Variants in SVOP observed in about 807,000 individuals in gnomAD.
SVOP encodes SV2 related protein.
A neutral mutation model predicts 69.1 loss-of-function variants in SVOP; 17 were observed. That is an observed-to-expected ratio of 0.25 (90% CI 0.17 to 0.37). The LOEUF (loss-of-function observed/expected upper bound fraction) is 0.37, where lower values mean the gene tolerates loss of function less well. Among genes scored for constraint, SVOP ranks in the 10% least tolerant of loss-of-function variants. The pLI is 1.00. For synonymous variants in SVOP, 238 were observed against 238.6 expected (o/e 1.00, Z 0.02); for missense variants, 435 against 597.5 (o/e 0.73, Z 2.84).
intron 7 of SVOP, among the ~76,000 whole-genome samples, chr12:108,941,765 G>A (rs1300657320): frequency 1.3e-5 from 2 of 151,740 alleles, no homozygotes; most frequent in African/African-American, 2.4e-5. Context: ...AGGTTCAAGC[G>A]ATTCTCCTGC....
chr12:109,010,659 A>T (rs967243138), intron 1 of SVOP, among the ~76,000 whole-genome samples: 1 of 151,994 alleles, frequency 6.6e-6, no homozygotes, highest in African/African-American at 2.4e-5. Flanking sequence ...GACCACAGGC[A>T]CCACACCCAG....
chr12:108,990,202 G>A (rs1296193073), intron 1 of SVOP, among the ~76,000 whole-genome samples: 2 of 152,218 alleles, frequency 1.3e-5, no homozygotes, highest in East Asian at 3.9e-4. Context: ...TTGCCAGAGA[G>A]TGGAAAACAG....
chr12:108,927,363 T>C (rs544781652), intron 11 of SVOP, among the ~76,000 whole-genome samples: 3 of 152,362 alleles, frequency 2.0e-5, no homozygotes, highest in South Asian at 2.1e-4. Context: ...AATGAGTTAA[T>C]TGAAGTCTGT....
At chr12:108,979,827 C>T (rs2040126805) in intron 2 of SVOP, among the ~76,000 whole-genome samples, 1 of 133,358 alleles carries the variant, frequency 7.5e-6, no homozygotes, top group Non-Finnish European at 1.6e-5. Flanking sequence ...TATTTTTATG[C>T]TCAGAAAAAA....
intron 1 of SVOP, among the ~76,000 whole-genome samples, chr12:108,987,420 T>C (rs756448432): frequency 7.9e-5 from 12 of 152,236 alleles, no homozygotes; most frequent in Non-Finnish European, 1.6e-4. Context: ...TACAAATATC[T>C]ATTTGAGTTC....
At chr12:108,934,349 C>G in intron 10 of SVOP, 78 bp from the exon 11 acceptor site, 1 of 1,214,160 alleles carries the variant, frequency 8.2e-7, no homozygotes, top group Non-Finnish European at 1.2e-6. Context: ...TTGGGAAGGG[C>G]CAATGTCTAC....
chr12:108,950,905 T>C (rs991049796), intron 6 of SVOP, among the ~76,000 whole-genome samples: 11 of 152,216 alleles, frequency 7.2e-5, no homozygotes, highest in African/African-American at 1.2e-4. Context: ...ATCCAAAGTA[T>C]GGCAATTATT....
At position 109,020,954 on chromosome 12, in the gene SVOP, A is replaced by G; in HGVS notation, c.-86T>C. On this transcript the variant is annotated 5_prime_UTR_variant, in exon 1 of 16. Coordinates refer to ENST00000610966, the MANE Select transcript of SVOP (RefSeq NM_018711.5). Reference sequence around the variant, plus strand: ...AGCCCTCCGGTTTTCAGCACCGGGAAGCTGGACAGCACCCGCGCCGCTTCC... The same window carrying G: ...AGCCCTCCGGTTTTCAGCACCGGGAGGCTGGACAGCACCCGCGCCGCTTCC... 2.9e-6 allele frequency: 2 copies of G among 685,252 alleles called. No individual in the cohort carries two copies. The highest frequency in any genetic ancestry group is 3.1e-5 in the South Asian group (2 of 64,420). 42.4% of individuals were successfully genotyped at this position (685,252 alleles called of 1,614,324 possible).
chr12:108,924,901 T>C (rs1422353816), intron 11 of SVOP, among the ~76,000 whole-genome samples: 1 of 152,162 alleles, frequency 6.6e-6, no homozygotes, highest in African/African-American at 2.4e-5. Context: ...AGGACTCAAC[T>C]CTGACCACTG....
chr12:108,985,268 A>G (rs941389998), intron 1 of SVOP, among the ~76,000 whole-genome samples: 17 of 151,190 alleles, frequency 1.1e-4, no homozygotes, highest in Non-Finnish European at 1.8e-4. Flanking sequence ...AGAAAGAGAG[A>G]GAGAGGAGAA....
At chr12:108,980,580 C>T (rs1375973671) in intron 2 of SVOP, among the ~76,000 whole-genome samples, 21 of 146,738 alleles carry the variant, frequency 1.4e-4, no homozygotes, top group African/African-American at 4.4e-4. Flanking sequence ...GAAACCCCGT[C>T]TCTACTGAAA....
chr12:108,974,736 A>AC (rs1422227474), intron 4 of SVOP, among the ~76,000 whole-genome samples: 1 of 151,844 alleles, frequency 6.6e-6, no homozygotes, highest in Non-Finnish European at 1.5e-5. Context: ...ATTTCAAAAA[A>AC]AAAATACATT....
intron 1 of SVOP, among the ~76,000 whole-genome samples, chr12:109,018,096 G>GA (rs2040377932): frequency 6.7e-5 from 2 of 30,030 alleles, no homozygotes; most frequent in Admixed American, 1.4e-4. Context: ...ATCAGTGAAA[G>GA]AATGGATGGA....
At chr12:108,942,018 C>T (rs2039894323) in intron 7 of SVOP, among the ~76,000 whole-genome samples, 1 of 152,190 alleles carries the variant, frequency 6.6e-6, no homozygotes, top group African/African-American at 2.4e-5. Context: ...TCCCCAGCCC[C>T]TTGGCAACCA....
chr12:108,927,571 CA>C (rs1315274682), intron 11 of SVOP, among the ~76,000 whole-genome samples: 1 of 144,420 alleles, frequency 6.9e-6, no homozygotes, highest in African/African-American at 2.5e-5. Context: ...ATTCTAATGA[CA>C]AAGACTCTCT....
At position 109,012,316 on chromosome 12, in the gene SVOP, G is replaced by C. The variant is rs527572964; in HGVS notation, c.35+8518C>G. 4.0e-5 allele frequency among the ~76,000 whole-genome samples: 6 copies of C among 151,704 alleles called. No individual in the cohort carries two copies. In the East Asian group the frequency reaches 7.8e-4, roughly 20 times the overall value. ...AAAAATCAGTTAGACAGGAGAAATA[G>C]GTTCAAGAGATCTATCGTACAACAT... On this transcript the variant is annotated intron_variant, in intron 1 of 15. Transcript: ENST00000610966.
chr12:108,984,495 A>G (rs2137439243), intron 1 of SVOP, among the ~76,000 whole-genome samples: 1 of 151,430 alleles, frequency 6.6e-6, no homozygotes, highest in African/African-American at 2.4e-5. Context: ...TGCACTCCAC[A>G]GTTGACCACT....
chr12:108,921,173 A>T (rs1158600646), intron 12 of SVOP, among the ~76,000 whole-genome samples: 2 of 152,224 alleles, frequency 1.3e-5, no homozygotes, highest in African/African-American at 4.8e-5. Flanking sequence ...ACTTTCTTAA[A>T]GTCACAGAAA....
intron 1 of SVOP, among the ~76,000 whole-genome samples, chr12:109,016,939 G>C (rs1218906873): frequency 1.3e-5 from 2 of 151,906 alleles, no homozygotes; most frequent in African/African-American, 4.8e-5. Context: ...AGTAGTAACA[G>C]GTCTCAATAT....
Sources: allele counts gnomAD v4.1 joint callset (sites outside exome capture counted in the v4.1 genomes callset), GRCh38; gene constraint gnomAD v4.1.1; transcripts MANE v1.5; gene names NCBI Gene and HGNC (gene_info 2026-07-23, HGNC 2026-07-21).